Variants in SASH1 observed in about 807,000 individuals in gnomAD.
SASH1 encodes SAM and SH3 domain-containing protein 1.
SASH1 carries 44 observed loss-of-function variants against 125.2 expected under a neutral mutation model. That is an observed-to-expected ratio of 0.35 (90% CI 0.28 to 0.45). SASH1 has a LOEUF of 0.45. Among genes scored for constraint, SASH1 ranks in the 20% least tolerant of loss-of-function variants. The probability of loss-of-function intolerance (pLI) is 1.00; values close to 1 mark genes in which losing one functional copy is unlikely to be tolerated. For synonymous variants in SASH1, 639 were observed against 649.1 expected (o/e 0.98, Z 0.24); for missense variants, 1,426 against 1,614.5 (o/e 0.88, Z 2.00).
chr6:148,293,441 G>C (rs1308541029), intron 1 of SASH1, among the ~76,000 whole-genome samples: 1 of 152,228 alleles, frequency 6.6e-6, no homozygotes, highest in Non-Finnish European at 1.5e-5. Context: ...TGGAAGTGGA[G>C]TGATTGCATC....
chr6:148,534,506 C>T (rs538896298), intron 15 of SASH1, among the ~76,000 whole-genome samples: 1 of 152,296 alleles, frequency 6.6e-6, no homozygotes, highest in Non-Finnish European at 1.5e-5. Context: ...ATAGTGCAAG[C>T]CAGCAGAATC....
chr6:148,309,911 G>A (rs185586858), intron 1 of SASH1, among the ~76,000 whole-genome samples: 2 of 152,294 alleles, frequency 1.3e-5, no homozygotes, highest in Non-Finnish European at 2.9e-5. Context: ...AGTATTCAGT[G>A]AGGACATATG....
chr6:148,446,088 C>CTTTTTTT (rs576798745), intron 4 of SASH1, among the ~76,000 whole-genome samples: 9 of 71,012 alleles, frequency 1.3e-4, no homozygotes, highest in East Asian at 4.4e-4. Flanking sequence ...ACATAGGGTT[C>CTTTTTTT]TTTTTTTTTT....
chr6:148,242,989 A>G, the SASH1 span, among the ~76,000 whole-genome samples: 4 of 151,994 alleles, frequency 2.6e-5, no homozygotes, highest in African/African-American at 4.8e-5. Context: ...TAAAAACAGG[A>G]TGTTTTGGCT....
chr6:148,439,811 G>A (rs186461088), intron 2 of SASH1, among the ~76,000 whole-genome samples: 51 of 151,896 alleles, frequency 3.4e-4, no homozygotes, highest in Admixed American at 9.2e-4. Flanking sequence ...GTCTAGTGTC[G>A]TTGGAAAACA....
chr6:148,376,493 G>A (rs1408996848), intron 1 of SASH1, among the ~76,000 whole-genome samples: 1 of 152,174 alleles, frequency 6.6e-6, no homozygotes, highest in African/African-American at 2.4e-5. Context: ...CTTATTGTAA[G>A]CGCTCATCAC....
intron 1 of SASH1, among the ~76,000 whole-genome samples, chr6:148,357,686 C>T (rs1026461751): frequency 6.6e-6 from 1 of 152,156 alleles, no homozygotes; most frequent in Non-Finnish European, 1.5e-5. Flanking sequence ...GCACCCATGA[C>T]TGTCCACTTT....
At chr6:148,402,618 A>ATTT (rs60247173) in intron 2 of SASH1, among the ~76,000 whole-genome samples, 3 of 138,178 alleles carry the variant, frequency 2.2e-5, no homozygotes, top group African/African-American at 2.7e-5. Context: ...CAAAAATGAC[A>ATTT]TTTTTTTTTT....
chr6:148,259,800 G>A, the SASH1 span, among the ~76,000 whole-genome samples: 1 of 152,168 alleles, frequency 6.6e-6, no homozygotes, highest in Non-Finnish European at 1.5e-5. Flanking sequence ...CTTCTGTTGG[G>A]ATCATAACCT....
At chr6:148,430,646 T>A (rs1460788851) in intron 2 of SASH1, among the ~76,000 whole-genome samples, 1 of 152,220 alleles carries the variant, frequency 6.6e-6, no homozygotes, top group African/African-American at 2.4e-5. Context: ...GGAAAGATTT[T>A]GGAAGAGAGA....
At chr6:148,439,519 C>T (rs1776453899) in intron 2 of SASH1, among the ~76,000 whole-genome samples, 1 of 152,148 alleles carries the variant, frequency 6.6e-6, no homozygotes, top group South Asian at 2.1e-4. Context: ...TGGCTCATGC[C>T]TGTAATCCCA....
intron 1 of SASH1, among the ~76,000 whole-genome samples, chr6:148,311,622 G>A (rs1325125372): frequency 6.6e-6 from 1 of 151,902 alleles, no homozygotes; most frequent in Non-Finnish European, 1.5e-5. Flanking sequence ...TGGTCAACAT[G>A]GTGAAACCCC....
chr6:148,449,671 G>C (rs1293721795), intron 4 of SASH1, among the ~76,000 whole-genome samples: 2 of 152,172 alleles, frequency 1.3e-5, no homozygotes, highest in Non-Finnish European at 2.9e-5. Context: ...ACAGGTGTGA[G>C]CCACTGCGCC....
At chr6:148,462,165 A>T (rs1194784590) in intron 4 of SASH1, among the ~76,000 whole-genome samples, 1 of 152,244 alleles carries the variant, frequency 6.6e-6, no homozygotes, top group Non-Finnish European at 1.5e-5. Context: ...CAACTAATGG[A>T]GAAGTTGATT....
At chr6:148,429,479 A>C (rs1475562703) in intron 2 of SASH1, among the ~76,000 whole-genome samples, 1 of 151,016 alleles carries the variant, frequency 6.6e-6, no homozygotes, top group Non-Finnish European at 1.5e-5. Flanking sequence ...GGCCTAGGAC[A>C]GTTGTTCACA....
At chr6:148,467,696 G>C (rs185897685) in intron 4 of SASH1, among the ~76,000 whole-genome samples, 160 of 152,246 alleles carry the variant, frequency 1.1e-3, no homozygotes, top group Middle Eastern at 6.8e-3. Context: ...CAGCACTTTG[G>C]GGGGCCGAGG....
intron 6 of SASH1, 49 bp downstream of exon 6, chr6:148,471,552 G>A: frequency 1.8e-6 from 2 of 1,109,368 alleles, no homozygotes; most frequent in Non-Finnish European, 1.4e-6. Context: ...CTCTAACATG[G>A]GAAGAATCCT....
chr6:148,205,173 A>G, the SASH1 span, among the ~76,000 whole-genome samples: 911 of 152,280 alleles, frequency 6.0e-3, 9 homozygotes, highest in African/African-American at 0.02. Flanking sequence ...TATCAATGTC[A>G]TTCGCCTCGC....
At chr6:148,446,103 T>TTTCTTTTTTCTTTTTTTTC (rs1776762718) in intron 4 of SASH1, among the ~76,000 whole-genome samples, 1 of 20,688 alleles carries the variant, frequency 4.8e-5, no homozygotes, top group African/African-American at 2.7e-4. Flanking sequence ...TTTTTTTTTT[T>TTTCTTTTTTCTTTTTTTTC]TTTTTTTTTT....
Sources: allele counts gnomAD v4.1 joint callset (sites outside exome capture counted in the v4.1 genomes callset), GRCh38; gene constraint gnomAD v4.1.1; transcripts MANE v1.5; gene names NCBI Gene and HGNC (gene_info 2026-07-23, HGNC 2026-07-21).